C8orf74: variants seen among roughly 807,000 people sequenced by gnomAD.
C8orf74 encodes uncharacterized protein C8orf74.
A neutral mutation model predicts 22.2 loss-of-function variants in C8orf74; 29 were observed. The observed-to-expected ratio is 1.31, with a 90% CI of 0.97 to 1.78. The LOEUF (loss-of-function observed/expected upper bound fraction) is 1.78, where lower values mean the gene tolerates loss of function less well. Ranked by LOEUF, C8orf74 falls within the 40% of genes most tolerant of loss-of-function variation. The pLI is 0.00. For synonymous variants in C8orf74, 255 were observed against 163.1 expected (o/e 1.56, Z -4.30); for missense variants, 515 against 369.9 (o/e 1.39, Z -3.22).
intron 2 of C8orf74, among the ~76,000 whole-genome samples, chr8:10,682,711 G>A (rs1586036624): frequency 6.6e-6 from 1 of 152,308 alleles, no homozygotes; most frequent in African/African-American, 2.4e-5. Context: ...TAGGGTGTGA[G>A]CAGTACAGCC....
chr8:10,697,605 C>G lies in C8orf74; in HGVS notation c.248C>G (p.Ser83Cys). ...EELLRETKGC[S>C]ITEAVTILGN... ...TTGGCCCCTGTGCCTACAGGCTGCTCCATTACTGAGGCTGTGACGATCCTG... is the reference window on the plus strand; with the variant it reads ...TTGGCCCCTGTGCCTACAGGCTGCTGCATTACTGAGGCTGTGACGATCCTG... The change falls in exon 3 of 4, where the codon TCC becomes TGC. Residue 83 changes from serine to cysteine, a missense_variant. Ser to Cys is a moderately radical substitution (Grantham distance 112). Transcript: ENST00000304519. 1 of 1,613,350 alleles carries G rather than the reference C, an allele frequency of 6.2e-7. No homozygotes were observed.
chr8:10,686,124 C>T (rs1799257652), intron 2 of C8orf74, among the ~76,000 whole-genome samples: 1 of 152,126 alleles, frequency 6.6e-6, no homozygotes, highest in Admixed American at 6.5e-5. Flanking sequence ...ATGTATATTA[C>T]AACAATTGAA....
intron 2 of C8orf74, among the ~76,000 whole-genome samples, chr8:10,695,390 G>A (rs916228093): frequency 6.6e-6 from 1 of 152,146 alleles, no homozygotes; most frequent in African/African-American, 2.4e-5. Flanking sequence ...TGACAGAAAG[G>A]AGAAGTACAG....
At chr8:10,692,538 C>G (rs1215953351) in intron 2 of C8orf74, 2 of 152,280 alleles carry the variant, frequency 1.3e-5, no homozygotes, top group African/African-American at 4.8e-5. Context: ...GTGTGTGAGA[C>G]AAGCTCTCAC....
rs554396699 is a variant in C8orf74 at position 10,676,534 on chromosome 8, C to T, written c.241+1696C>T. ...CCTCTGTTTGAAGGCATCCAGTGCT[C>T]CCAGCCTTAGGCACACCTGGGTCAG... On this transcript the variant is annotated intron_variant, in intron 2 of 3. Transcript: ENST00000304519. Among the ~76,000 whole-genome samples, 9 of 152,340 alleles carry T rather than the reference C, an allele frequency of 5.9e-5. No individual in the cohort carries two copies. The South Asian group carries it at 1.9e-3, about 32-fold the overall frequency.
chr8:10,693,817 G>A (rs959000131), intron 2 of C8orf74, among the ~76,000 whole-genome samples: 1 of 152,208 alleles, frequency 6.6e-6, no homozygotes, highest in South Asian at 2.1e-4. Context: ...ACTCAGATCT[G>A]CTCCTTCTGT....
chr8:10,678,927 G>C (rs962317624), intron 2 of C8orf74, among the ~76,000 whole-genome samples: 2 of 152,220 alleles, frequency 1.3e-5, no homozygotes, highest in Non-Finnish European at 2.9e-5. Context: ...CTTGCACAGG[G>C]ACACTCGTGA....
chr8:10,676,847 C>T (rs895484400), intron 2 of C8orf74, among the ~76,000 whole-genome samples: 3 of 152,128 alleles, frequency 2.0e-5, no homozygotes, highest in African/African-American at 7.2e-5. Context: ...GTGGCCAGAA[C>T]AAACACTGAC....
At chr8:10,696,958 G>GAAAAAAAAAAAAAAAAAAAAAAA (rs60560452) in intron 2 of C8orf74, among the ~76,000 whole-genome samples, 1 of 104,326 alleles carries the variant, frequency 9.6e-6, no homozygotes. Context: ...CCAGGAGTTC[G>GAAAAAAAAAAAAAAAAAAAAAAA]AAAAAAAAAA....
At chr8:10,679,384 G>A (rs1345932524) in intron 2 of C8orf74, among the ~76,000 whole-genome samples, 4 of 152,140 alleles carry the variant, frequency 2.6e-5, no homozygotes, top group African/African-American at 7.2e-5. Context: ...AGTATCGCTC[G>A]TGGAAATCAC....
intron 2 of C8orf74, among the ~76,000 whole-genome samples, chr8:10,694,901 C>T (rs1452184798): frequency 3.3e-5 from 5 of 150,638 alleles, no homozygotes; most frequent in Non-Finnish European, 5.9e-5. Context: ...AATGGATGGA[C>T]GAATGGATGG....
At chr8:10,675,722 G>A (rs1799018988) in intron 2 of C8orf74, 2 of 152,180 alleles carry the variant, frequency 1.3e-5, no homozygotes, top group South Asian at 4.1e-4. Flanking sequence ...TCCTGTGATG[G>A]TTCCAACAAA....
At chr8:10,690,556 G>A (rs1001608150) in intron 2 of C8orf74, among the ~76,000 whole-genome samples, 3 of 152,184 alleles carry the variant, frequency 2.0e-5, no homozygotes, top group African/African-American at 7.2e-5. Context: ...AGCCTGACTT[G>A]GTTCCTGCCC....
intron 2 of C8orf74, 137 bp from the exon 3 acceptor site, chr8:10,697,462 A>G (rs745537542): frequency 9.0e-5 from 62 of 690,082 alleles, no homozygotes; most frequent in Non-Finnish European, 1.2e-4. Flanking sequence ...AAAAATAAAT[A>G]GAAATAAATA....
At chr8:10,698,600 G>C (rs932302232) in intron 3 of C8orf74, among the ~76,000 whole-genome samples, 4 of 152,100 alleles carry the variant, frequency 2.6e-5, no homozygotes, top group Non-Finnish European at 1.5e-5. Context: ...CATTTCCCAT[G>C]ACCAGCTCTT....
chr8:10,698,617 C>A (rs963684841), intron 3 of C8orf74, among the ~76,000 whole-genome samples: 40 of 152,172 alleles, frequency 2.6e-4, no homozygotes, highest in African/African-American at 8.9e-4. Flanking sequence ...TCTTCAATGA[C>A]CATGACGACC....
At chr8:10,691,049 C>T in intron 2 of C8orf74, 4 of 418,264 alleles carry the variant, frequency 9.6e-6, no homozygotes, top group South Asian at 6.8e-5. Context: ...AACTTCTCAA[C>T]CCGAGGCCCA....
intron 2 of C8orf74, among the ~76,000 whole-genome samples, chr8:10,696,549 G>C (rs1334094579): frequency 6.8e-6 from 1 of 146,004 alleles, no homozygotes; most frequent in Non-Finnish European, 1.5e-5. Flanking sequence ...CTGGGTTCAA[G>C]CAATTCTCCT....
chr8:10,681,876 A>T (rs1799158703), intron 2 of C8orf74, among the ~76,000 whole-genome samples: 2 of 152,086 alleles, frequency 1.3e-5, no homozygotes, highest in African/African-American at 4.8e-5. Context: ...TGGCATCTGC[A>T]GTTCCACCCA....
Sources: gnomAD v4.1 joint callset for allele counts (sites outside exome capture counted in the v4.1 genomes callset) on GRCh38, gnomAD v4.1.1 for gene constraint, MANE v1.5 for transcripts, NCBI Gene and HGNC (gene_info 2026-07-23, HGNC 2026-07-21) for gene names.